Variants in HYLS1 observed in about 807,000 individuals in gnomAD.
HYLS1 encodes HYLS1 centriolar and ciliogenesis associated.
In HYLS1, 25 loss-of-function variants were observed where a neutral mutation model predicts 29.4. That is an observed-to-expected ratio of 0.85 (90% CI 0.62 to 1.19). The LOEUF is 1.19. Among genes scored for constraint, HYLS1 ranks in the 50% most tolerant of loss-of-function variants. HYLS1 has a pLI of 0.00. For synonymous variants in HYLS1, 128 were observed against 126.7 expected, an observed-to-expected ratio of 1.01 and a Z score of -0.07; for missense variants, 352 against 365.1, an observed-to-expected ratio of 0.96 and a Z score of 0.29.
chr11:125,890,024 A>T (rs948739741), intron 1 of HYLS1, among the ~76,000 whole-genome samples: 1 of 152,160 alleles, frequency 6.6e-6, no homozygotes, highest in Admixed American at 6.5e-5. Context: ...GTGCAGCCTC[A>T]AACTCCAGGG....
chr11:125,895,815 G>C (rs1172477977), intron 2 of HYLS1: 6 of 1,582,132 alleles, frequency 3.8e-6, no homozygotes, highest in Non-Finnish European at 5.1e-6. Context: ...AAGATACTGG[G>C]TTTTAGAGAC....
chr11:125,889,504 C>T (rs919208558), intron 1 of HYLS1, among the ~76,000 whole-genome samples: 7 of 151,964 alleles, frequency 4.6e-5, no homozygotes, highest in Non-Finnish European at 1.5e-5. Context: ...GAGGCGGAGG[C>T]GGGCGGATCA....
Position 125,894,168 on chromosome 11 carries a change from G to T in HYLS1, c.-26+2696G>T, listed in dbSNP as rs145199988. 6.2e-6 allele frequency: 10 copies of T among 1,614,014 alleles called. No individual in the cohort carries two copies. Among genetic ancestry groups the T allele is most frequent in the Non-Finnish European group, 8.5e-6 (10 of 1,180,020 alleles). ...TACAACATGTGAGTTTTGACAGCAT[G>T]ATTAGCCCACAGTTGTTGTAGGTGG... On this transcript the variant is annotated intron_variant, in intron 2 of 2. Coordinates refer to ENST00000425380, the MANE Select transcript of HYLS1 (RefSeq NM_001134793.2).
chr11:125,896,772 A>T (rs1944604001), intron 2 of HYLS1, among the ~76,000 whole-genome samples: 4 of 152,138 alleles, frequency 2.6e-5, no homozygotes, highest in Admixed American at 2.6e-4. Context: ...CCATTATCTC[A>T]AATAAATGAC....
At position 125,887,734 on chromosome 11, in the gene HYLS1, C is replaced by G. The variant is rs576045253; in HGVS notation, c.-107C>G. The G allele has an allele frequency of 1.1e-4, 17 of 152,416 alleles. No individual in the cohort carries two copies. The highest frequency in any genetic ancestry group is 4.1e-4 in the African/African-American group (17 of 41,604). The allele number at this position is 152,416 out of a possible 1,614,324, so 9.4% of individuals were successfully genotyped here. ...GGTGCTCTGCTGGCGACTGGCAGGACGCGGTGCAGAGAGCGGACTTCCGCG... is the reference window on the plus strand; with the variant it reads ...GGTGCTCTGCTGGCGACTGGCAGGAGGCGGTGCAGAGAGCGGACTTCCGCG... On this transcript the variant is annotated 5_prime_UTR_variant, in exon 1 of 3. Transcript: ENST00000425380.
chr11:125,900,182 A>G lies in HYLS1; in HGVS notation c.814A>G (p.Arg272Gly). Residue 272 changes from arginine to glycine, a missense_variant, in exon 3 of 3, where the codon AGG becomes GGG. Physicochemically the swap from Arg to Gly is moderately radical, Grantham distance 125. Coordinates refer to ENST00000425380, the MANE Select transcript of HYLS1 (RefSeq NM_001134793.2). ...NNYLVPTEKK[R>G]SALRWGVRCD... ...TTATCTAGTACCAACAGAGAAGAAA[A>G]GGTCTGCACTCCGTTGGGGTGTTCG... 2 of 1,614,226 alleles carry G rather than the reference A, an allele frequency of 1.2e-6. No homozygotes were observed. Among genetic ancestry groups the G allele is most frequent in the Non-Finnish European group, 1.7e-6 (2 of 1,180,044 alleles).
chr11:125,892,665 A>G (rs1944445067), intron 2 of HYLS1, among the ~76,000 whole-genome samples: 1 of 152,116 alleles, frequency 6.6e-6, no homozygotes, highest in Admixed American at 6.5e-5. Context: ...CATTTGCCTC[A>G]CTAAAAATCT....
intron 2 of HYLS1, chr11:125,893,820 C>G (rs1944483860): frequency 6.2e-7 from 1 of 1,613,686 alleles, no homozygotes; most frequent in East Asian, 2.2e-5. Context: ...TCAACACAGA[C>G]CCTCTTCGTT....
At chr11:125,890,507 ACT>A (rs1466023666) in intron 1 of HYLS1, among the ~76,000 whole-genome samples, 3 of 152,052 alleles carry the variant, frequency 2.0e-5, no homozygotes, top group African/African-American at 7.3e-5. Context: ...ATTTGTTATA[ACT>A]CTGCAATAGC....
chr11:125,891,981 A>G (rs1314042862), intron 2 of HYLS1, among the ~76,000 whole-genome samples: 8 of 152,218 alleles, frequency 5.3e-5, no homozygotes, highest in Non-Finnish European at 1.5e-5. Context: ...TATTTGCACT[A>G]GCAGCTTGAG....
chr11:125,885,390 G>T (rs1944288260), upstream of HYLS1, among the ~76,000 whole-genome samples: 2 of 152,118 alleles, frequency 1.3e-5, no homozygotes, highest in Admixed American at 1.3e-4. Context: ...GGTGGAGGTT[G>T]CAGTGAGCCA....
At chr11:125,895,310 G>C in intron 2 of HYLS1, 1 of 1,613,928 alleles carries the variant, frequency 6.2e-7, no homozygotes, top group Non-Finnish European at 8.5e-7. Context: ...CAATCAGAAA[G>C]AGGATAGCCA....
At chr11:125,889,574 AAAT>A (rs1253497545) in intron 1 of HYLS1, among the ~76,000 whole-genome samples, 1 of 152,020 alleles carries the variant, frequency 6.6e-6, no homozygotes, top group East Asian at 1.9e-4. Flanking sequence ...TCTCTACTAA[AAAT>A]AGAAGAAAAA....
intron 1 of HYLS1, among the ~76,000 whole-genome samples, chr11:125,890,902 T>G (rs1944396566): frequency 6.6e-6 from 1 of 152,044 alleles, no homozygotes; most frequent in African/African-American, 2.4e-5. Context: ...AAATAACACA[T>G]TAATCACTGT....
At chr11:125,889,578 A>G (rs1944373188) in intron 1 of HYLS1, among the ~76,000 whole-genome samples, 1 of 152,124 alleles carries the variant, frequency 6.6e-6, no homozygotes, top group Non-Finnish European at 1.5e-5. Flanking sequence ...TACTAAAAAT[A>G]GAAGAAAAAT....
upstream of HYLS1, among the ~76,000 whole-genome samples, chr11:125,886,482 G>A (rs1309007058): frequency 1.3e-5 from 2 of 151,794 alleles, no homozygotes; most frequent in African/African-American, 2.4e-5. Context: ...AGTTGAGATA[G>A]GTTTGCTTGG....
At chr11:125,892,553 C>T (rs1441715637) in intron 2 of HYLS1, among the ~76,000 whole-genome samples, 3 of 152,178 alleles carry the variant, frequency 2.0e-5, no homozygotes, top group Non-Finnish European at 4.4e-5. Context: ...ACATCTGAAA[C>T]TTAGGAGTTA....
intron 2 of HYLS1, chr11:125,894,377 G>A (rs972621234): frequency 6.8e-6 from 7 of 1,024,502 alleles, no homozygotes; most frequent in East Asian, 4.8e-5. Context: ...TAAGGGAGCC[G>A]GGTAGGGCGC....
chr11:125,894,388 C>T (rs1944511994), intron 2 of HYLS1: 5 of 885,410 alleles, frequency 5.6e-6, no homozygotes, highest in Non-Finnish European at 8.7e-6. Context: ...GGTAGGGCGC[C>T]ACCATTGATG....
Sources: allele counts gnomAD v4.1 joint callset (sites outside exome capture counted in the v4.1 genomes callset), GRCh38; gene constraint gnomAD v4.1.1; transcripts MANE v1.5; gene names NCBI Gene and HGNC (gene_info 2026-07-23, HGNC 2026-07-21).